The following IGF1R variants were observed in gnomAD, a reference collection of about 807,000 sequenced individuals.
IGF1R encodes insulin like growth factor 1 receptor, also known as insulin-like growth factor 1 receptor.
IGF1R carries 44 observed loss-of-function variants against 144.6 expected under a neutral mutation model. The ratio of observed to expected loss-of-function variants is 0.30; its 90% CI spans 0.24 to 0.39. The LOEUF is 0.39. Ranked by LOEUF, IGF1R falls within the 10% of genes least tolerant of loss-of-function variation. The pLI is 1.00. For synonymous variants in IGF1R, 795 were observed against 722.8 expected, an observed-to-expected ratio of 1.10 and a Z score of -1.60; for missense variants, 1,355 against 1,833.7, an observed-to-expected ratio of 0.74 and a Z score of 4.77.
At chr15:98,712,151 G>A (rs561975554) in intron 2 of IGF1R, among the ~76,000 whole-genome samples, 2 of 152,126 alleles carry the variant, frequency 1.3e-5, no homozygotes, top group South Asian at 2.1e-4. Flanking sequence ...CACTTTCCTT[G>A]TTCTCATCTC....
In IGF1R at chr15:98,916,799, G is replaced by C. The variant is rs1427403890; in HGVS notation, c.2124G>C (p.Glu708Asp). 7 of 1,614,104 alleles carry C rather than the reference G, an allele frequency of 4.3e-6. No individual in the cohort carries two copies. Among genetic ancestry groups the C allele is most frequent in the Non-Finnish European group, 5.9e-6 (7 of 1,180,028 alleles). Residue 708 changes from glutamate (E) to aspartate (D), a missense_variant, in exon 10 of 21, where the codon GAG becomes GAC. Glu to Asp is a conservative substitution (Grantham distance 45). Transcript: ENST00000650285. ...PCCACPKTEA[E>D]KQAEKEEAEY... ...GCGCCTGCCCCAAAACTGAAGCCGA[G>C]AAGCAGGCCGAGAAGGAGGAGGCTG... is the stretch of plus-strand genomic sequence containing the variant.
intron 2 of IGF1R, among the ~76,000 whole-genome samples, chr15:98,878,999 G>GAA (rs369590184): frequency 8.8e-5 from 13 of 148,360 alleles, no homozygotes; most frequent in Non-Finnish European, 1.6e-4. Flanking sequence ...CTGACTCAAA[G>GAA]AAAAAAAAAA....
intron 1 of IGF1R, among the ~76,000 whole-genome samples, chr15:98,654,792 G>C (rs753808888): frequency 1.3e-5 from 2 of 152,154 alleles, no homozygotes; most frequent in South Asian, 4.1e-4. Context: ...CACATGTTAC[G>C]GATATAGTTT....
At chr15:98,753,353 A>G in intron 2 of IGF1R, among the ~76,000 whole-genome samples, 1 of 136,682 alleles carries the variant, frequency 7.3e-6, no homozygotes. Context: ...AATAGCTGGG[A>G]CCACAAGTAT....
At position 98,897,069 on chromosome 15, in the gene IGF1R, G is replaced by A. The variant is rs544050644; in HGVS notation, c.1102+164G>A. On this transcript the variant is annotated intron_variant, in intron 4 of 20. Transcript: ENST00000650285. ...GTCTCTTCTTTGAGTTTCCCTGAAA[G>A]ATAAAGAACAGATTGAAAGGCAATC... is the stretch of plus-strand genomic sequence containing the variant. 68 of 687,006 alleles carry A rather than the reference G, an allele frequency of 9.9e-5. No individual in the cohort carries two copies. The East Asian group carries it at 1.8e-3, about 19-fold the overall frequency. 42.6% of individuals were successfully genotyped at this position (687,006 alleles called of 1,614,324 possible).
rs1402729894 is a variant in IGF1R at position 98,940,550 on chromosome 15, C to T, written c.3457+1190C>T. Among the ~76,000 whole-genome samples, 6 of 152,220 alleles carry T rather than the reference C, an allele frequency of 3.9e-5. No homozygotes were observed. The South Asian group carries it at 6.2e-4, about 16-fold the overall frequency. On this transcript the variant is annotated intron_variant, in intron 18 of 20. Transcript: ENST00000650285. ...TCCTGACTAGTTGGGATTACAGGCGCGTGCCACCACACCCAGCTGATTTTT... is the reference window on the plus strand; with the variant it reads ...TCCTGACTAGTTGGGATTACAGGCGTGTGCCACCACACCCAGCTGATTTTT...
chr15:98,806,165 A>G lies in IGF1R; in HGVS notation c.641-85160A>G, dbSNP rs964205647. Among the ~76,000 whole-genome samples, 7 of 152,164 alleles carry G rather than the reference A, an allele frequency of 4.6e-5. No homozygotes were observed. In the South Asian group the frequency reaches 1.2e-3, roughly 27 times the overall value. On this transcript the variant is annotated intron_variant, in intron 2 of 20. Transcript: ENST00000650285. ...CTGGGCTCACAAAATTCCAGAAAGTAGTTGACGTCCTATTACTGGTTTACC... is the reference window on the plus strand; with the variant it reads ...CTGGGCTCACAAAATTCCAGAAAGTGGTTGACGTCCTATTACTGGTTTACC...
At chr15:98,879,216 G>A (rs961923054) in intron 2 of IGF1R, among the ~76,000 whole-genome samples, 3 of 152,104 alleles carry the variant, frequency 2.0e-5, no homozygotes. Flanking sequence ...TTGAATATGA[G>A]TTTAAAAGAA....
intron 2 of IGF1R, among the ~76,000 whole-genome samples, chr15:98,733,114 C>T (rs1448725858): frequency 5.3e-5 from 8 of 152,192 alleles, no homozygotes. Flanking sequence ...AGGGAGGCTT[C>T]AGCAGACCTT....
intron 1 of IGF1R, among the ~76,000 whole-genome samples, chr15:98,687,713 G>A (rs959747783): frequency 5.3e-5 from 8 of 152,206 alleles, no homozygotes; most frequent in South Asian, 2.1e-4. Context: ...TAGAAGCCAC[G>A]ACTTGGCATA....
intron 2 of IGF1R, among the ~76,000 whole-genome samples, chr15:98,806,524 G>A (rs1256243038): frequency 6.6e-6 from 1 of 151,450 alleles, no homozygotes; most frequent in Non-Finnish European, 1.5e-5. Context: ...AATAGTAGGA[G>A]ACTCTCTCTC....
At position 98,961,209 on chromosome 15, in the gene IGF1R, G is replaced by A. The variant is rs2017211982; in HGVS notation, c.*3767G>A. The A allele has an allele frequency of 8.6e-6, 2 of 233,464 alleles. No homozygotes were observed. The highest frequency in any genetic ancestry group is 4.4e-5 in the African/African-American group (2 of 45,328). The allele number at this position is 233,464 out of a possible 1,614,324, so 14.5% of individuals were successfully genotyped here. ...ACTGTAGGTGACCCCTTGGAATAACGGCCTCTCCTCTCGTGCACATACCTA... is the reference window on the plus strand; with the variant it reads ...ACTGTAGGTGACCCCTTGGAATAACAGCCTCTCCTCTCGTGCACATACCTA... On this transcript the variant is annotated 3_prime_UTR_variant, in exon 21 of 21. Transcript: ENST00000650285.
chr15:98,915,305 A>T (rs1352725290), intron 8 of IGF1R, among the ~76,000 whole-genome samples: 3 of 152,368 alleles, frequency 2.0e-5, no homozygotes, highest in Non-Finnish European at 4.4e-5. Flanking sequence ...CCTTTGCTCA[A>T]AATGAGGCTT....
rs2016114855 is a variant in IGF1R, at chr15:98,935,669, T to C, written c.3297+243T>C. Reference sequence around the variant, plus strand: ...CCCTCTGCTAAGCCCCTCTGTGCCTTTGTTCCTGCATTCCCTCCACCCCCA... The same window carrying C: ...CCCTCTGCTAAGCCCCTCTGTGCCTCTGTTCCTGCATTCCCTCCACCCCCA... On this transcript the variant is annotated intron_variant, in intron 17 of 20. Transcript: ENST00000650285. This position sits in a 1 kb window ranked among gnomAD's most constrained non-coding sequence, Gnocchi z 4.2. Among the ~76,000 whole-genome samples the C allele has an allele frequency of 6.6e-6, 1 of 152,112 alleles. No homozygotes were observed. Among genetic ancestry groups the C allele is most frequent in the African/African-American group, 2.4e-5 (1 of 41,410 alleles).
chr15:98,805,441 G>A (rs2056450660), intron 2 of IGF1R, among the ~76,000 whole-genome samples: 1 of 152,074 alleles, frequency 6.6e-6, no homozygotes, highest in African/African-American at 2.4e-5. Context: ...CTTCCAAATG[G>A]CATGCTGCGT....
intron 19 of IGF1R, among the ~76,000 whole-genome samples, chr15:98,947,994 G>A (rs1397560218): frequency 1.3e-5 from 2 of 152,150 alleles, no homozygotes; most frequent in African/African-American, 4.8e-5. Context: ...AGTTTCTATT[G>A]GGTGCCCAGC....
At position 98,767,716 on chromosome 15, in the gene IGF1R, G is replaced by A. The variant is rs114429271; in HGVS notation, c.640+59609G>A. ...AAATAGGATGTTAAAGGAATAGAGC[G>A]CACGAACAAAAAACTTTCCACTTGA... On this transcript the variant is annotated intron_variant, in intron 2 of 20. Coordinates refer to ENST00000650285, the MANE Select transcript of IGF1R (RefSeq NM_000875.5). Among the ~76,000 whole-genome samples, 900 of 152,196 alleles carry A rather than the reference G, an allele frequency of 5.9e-3. 10 individuals carry two copies. The highest frequency in any genetic ancestry group is 0.021 in the African/African-American group (864 of 41,498).
At chr15:98,949,982 C>T (rs2016712245) in intron 20 of IGF1R, among the ~76,000 whole-genome samples, 1 of 152,192 alleles carries the variant, frequency 6.6e-6, no homozygotes, top group Non-Finnish European at 1.5e-5. Flanking sequence ...AGTGGCCTTG[C>T]TTTTGACATG....
At chr15:98,737,272 C>T (rs1381614879) in intron 2 of IGF1R, among the ~76,000 whole-genome samples, 1 of 152,206 alleles carries the variant, frequency 6.6e-6, no homozygotes, top group African/African-American at 2.4e-5. Context: ...TTGGGAACCC[C>T]AGCGTGGCAT....
Sources: allele counts gnomAD v4.1 joint callset (sites outside exome capture counted in the v4.1 genomes callset), GRCh38; gene constraint gnomAD v4.1.1; non-coding constraint Gnocchi (gnomAD v3.1); transcripts MANE v1.5; gene names NCBI Gene and HGNC (gene_info 2026-07-23, HGNC 2026-07-21).